Variants in ALCAM observed in about 807,000 individuals in gnomAD.
ALCAM encodes CD166 antigen.
A neutral mutation model predicts 70.9 loss-of-function variants in ALCAM; 30 were observed. That is an observed-to-expected ratio of 0.42 (90% CI 0.32 to 0.57). The LOEUF is 0.57. Among genes scored for constraint, ALCAM ranks in the 20% least tolerant of loss-of-function variants. The pLI is 0.11. For synonymous variants in ALCAM, 249 were observed against 242.5 expected (o/e 1.03, Z -0.25); for missense variants, 591 against 695.1 (o/e 0.85, Z 1.68).
In ALCAM at chr3:105,479,043, G is replaced by A. The variant is rs905926045; in HGVS notation, c.74-41024G>A. ...AATGTATTGTGTCTAGTCTATAACA[G>A]ATTTAGGAAACGAGATAATAGAGCT... On this transcript the variant is annotated intron_variant, in intron 1 of 15. Transcript: ENST00000306107. 9.9e-5 allele frequency among the ~76,000 whole-genome samples: 15 copies of A among 152,188 alleles called. No individual in the cohort carries two copies. The East Asian group carries it at 2.9e-3, about 29-fold the overall frequency.
rs1380785912 is a variant in ALCAM at position 105,530,542 on chromosome 3, T to C, written c.395-1460T>C. Among the ~76,000 whole-genome samples, 4 of 152,046 alleles carry C rather than the reference T, an allele frequency of 2.6e-5. No individual in the cohort carries two copies. In the East Asian group the frequency reaches 5.8e-4, roughly 22 times the overall value. ...TAATTTTCTCTGTTGTGTCTTCCTA[T>C]TTTTCTATATTTATTTTTTCTATTG... On this transcript the variant is annotated intron_variant, in intron 3 of 15. Coordinates refer to ENST00000306107, the MANE Select transcript of ALCAM (RefSeq NM_001627.4).
At chr3:105,444,047 T>TA (rs1017756884) in intron 1 of ALCAM, among the ~76,000 whole-genome samples, 2 of 152,174 alleles carry the variant, frequency 1.3e-5, no homozygotes, top group Admixed American at 1.3e-4. Context: ...AAGGGCTCTT[T>TA]AAAAAAATGC....
At chr3:105,538,475 G>A (rs894239059) in intron 6 of ALCAM, among the ~76,000 whole-genome samples, 10 of 152,104 alleles carry the variant, frequency 6.6e-5, no homozygotes, top group African/African-American at 9.7e-5. Flanking sequence ...CTGTCAAAAC[G>A]CAAATGTGTT....
chr3:105,444,651 T>C (rs1937255522), intron 1 of ALCAM, among the ~76,000 whole-genome samples: 1 of 152,216 alleles, frequency 6.6e-6, no homozygotes, highest in East Asian at 1.9e-4. Flanking sequence ...CCATGACTTC[T>C]GAATCAGGGT....
At chr3:105,398,698 A>G (rs567084457) in intron 1 of ALCAM, among the ~76,000 whole-genome samples, 13 of 151,974 alleles carry the variant, frequency 8.6e-5, no homozygotes, top group African/African-American at 2.9e-4. Flanking sequence ...TGCTTTGGTC[A>G]TATCTTTTGT....
chr3:105,407,539 C>G (rs758505978), intron 1 of ALCAM, among the ~76,000 whole-genome samples: 10 of 152,074 alleles, frequency 6.6e-5, no homozygotes, highest in Non-Finnish European at 1.5e-4. Context: ...TATTAAAGCC[C>G]TCAGCAAAAT....
intron 1 of ALCAM, among the ~76,000 whole-genome samples, chr3:105,447,222 T>C (rs1404092505): frequency 6.6e-6 from 1 of 152,152 alleles, no homozygotes; most frequent in Non-Finnish European, 1.5e-5. Flanking sequence ...ATGTGATATA[T>C]ATATGTTACT....
At chr3:105,496,093 A>G (rs1272689906) in intron 1 of ALCAM, among the ~76,000 whole-genome samples, 1 of 152,212 alleles carries the variant, frequency 6.6e-6, no homozygotes, top group Non-Finnish European at 1.5e-5. Context: ...AATAAATATG[A>G]GCCGAAAAGG....
intron 1 of ALCAM, among the ~76,000 whole-genome samples, chr3:105,508,292 TG>T (rs2152618847): frequency 1.3e-5 from 2 of 152,332 alleles, no homozygotes; most frequent in Middle Eastern, 6.8e-3. Context: ...AATCATTTTT[TG>T]TATATCTAAT....
intron 1 of ALCAM, among the ~76,000 whole-genome samples, chr3:105,445,942 A>C (rs920216264): frequency 2.0e-5 from 3 of 152,288 alleles, no homozygotes; most frequent in African/African-American, 7.2e-5. Context: ...GGATAAGACC[A>C]CAAAAGCACA....
chr3:105,555,683 T>C (rs1940499593), intron 14 of ALCAM, among the ~76,000 whole-genome samples: 1 of 152,024 alleles, frequency 6.6e-6, no homozygotes, highest in South Asian at 2.1e-4. Flanking sequence ...CTAATATACC[T>C]AGTGGCTATT....
intron 14 of ALCAM, among the ~76,000 whole-genome samples, chr3:105,569,698 A>G (rs1224373282): frequency 6.6e-6 from 1 of 152,188 alleles, no homozygotes; most frequent in African/African-American, 2.4e-5. Flanking sequence ...ATTATGTGCT[A>G]TGGATAAAAT....
chr3:105,370,861 A>G (rs1935209547), intron 1 of ALCAM, among the ~76,000 whole-genome samples: 1 of 152,158 alleles, frequency 6.6e-6, no homozygotes, highest in South Asian at 2.1e-4. Flanking sequence ...ACCTGTTCCT[A>G]TATAAACTGC....
chr3:105,406,873 A>T (rs1936248953), intron 1 of ALCAM, among the ~76,000 whole-genome samples: 1 of 152,178 alleles, frequency 6.6e-6, no homozygotes, highest in South Asian at 2.1e-4. Flanking sequence ...AACGGGAGAT[A>T]TTGCAACTGA....
Position 105,420,389 on chromosome 3 carries a change from C to T in ALCAM, c.73+52908C>T, listed in dbSNP as rs559006611. On this transcript the variant is annotated intron_variant, in intron 1 of 15. Coordinates refer to ENST00000306107, the MANE Select transcript of ALCAM (RefSeq NM_001627.4). ...TTTAAAGAAAATGACAGGTTCTGCA[C>T]ACTGGTATCTACTAAAAATGAACCC... 1.5e-4 allele frequency among the ~76,000 whole-genome samples: 23 copies of T among 151,778 alleles called. 1 individual carries two copies. In the South Asian group the frequency reaches 2.9e-3, roughly 19 times the overall value.
intron 14 of ALCAM, among the ~76,000 whole-genome samples, chr3:105,567,504 C>T (rs551099109): frequency 1.3e-5 from 2 of 152,046 alleles, no homozygotes; most frequent in Non-Finnish European, 2.9e-5. Context: ...CTCTGTTTTC[C>T]AGAATCTGTG....
At chr3:105,473,198 G>C (rs887466063) in intron 1 of ALCAM, among the ~76,000 whole-genome samples, 1 of 151,460 alleles carries the variant, frequency 6.6e-6, no homozygotes, top group Non-Finnish European at 1.5e-5. Context: ...ATATAGTAGA[G>C]CCAGAAGTGG....
chr3:105,444,659 G>C (rs150648114), intron 1 of ALCAM, among the ~76,000 whole-genome samples: 2 of 152,128 alleles, frequency 1.3e-5, no homozygotes, highest in East Asian at 3.9e-4. Context: ...TCTGAATCAG[G>C]GTAGTTTGCA....
intron 12 of ALCAM, among the ~76,000 whole-genome samples, chr3:105,551,425 C>A (rs1940404171): frequency 6.6e-6 from 1 of 151,594 alleles, no homozygotes; most frequent in Non-Finnish European, 1.5e-5. Context: ...TCAGTGAGCA[C>A]CTCCTGAGAT....
Sources: allele counts gnomAD v4.1 joint callset (sites outside exome capture counted in the v4.1 genomes callset), GRCh38; gene constraint gnomAD v4.1.1; transcripts MANE v1.5; gene names NCBI Gene and HGNC (gene_info 2026-07-23, HGNC 2026-07-21).